Variants in LSAMP observed in about 807,000 individuals in gnomAD.
LSAMP encodes limbic system-associated membrane protein.
In LSAMP, 7 loss-of-function variants were observed where a neutral mutation model predicts 38.6. The ratio of observed to expected loss-of-function variants is 0.18; its 90% CI spans 0.10 to 0.34. LSAMP has a LOEUF of 0.34. LSAMP is among the 10% of genes least tolerant of loss of function. The probability of loss-of-function intolerance (pLI) is 1.00; values close to 1 mark genes in which losing one functional copy is unlikely to be tolerated. For synonymous variants in LSAMP, 154 were observed against 166.8 expected (o/e 0.92, Z 0.59); for missense variants, 313 against 420.0 (o/e 0.75, Z 2.23).
chr3:116,390,285 A>G lies in LSAMP; in HGVS notation c.155+54592T>C, dbSNP rs370681102. Among the ~76,000 whole-genome samples the G allele has an allele frequency of 9.2e-5, 14 of 152,280 alleles. No homozygotes were observed. In the South Asian group the frequency reaches 1.2e-3, roughly 14 times the overall value. On this transcript the variant is annotated intron_variant, in intron 1 of 6. Coordinates refer to ENST00000490035, the MANE Select transcript of LSAMP (RefSeq NM_002338.5). Reference sequence around the variant, plus strand: ...ACCAAGACACTGTAAGCAGTGGGATATGTTTCACTTTGGAGACTAAAGGTG... The same window carrying G: ...ACCAAGACACTGTAAGCAGTGGGATGTGTTTCACTTTGGAGACTAAAGGTG...
At chr3:115,938,606 ATGAG>A (rs1937791249) in intron 3 of LSAMP, among the ~76,000 whole-genome samples, 1 of 152,222 alleles carries the variant, frequency 6.6e-6, no homozygotes, top group South Asian at 2.1e-4. Flanking sequence ...CCTGAATAAC[ATGAG>A]TTTTGATTTA....
chr3:116,077,683 T>A (rs994318195), intron 2 of LSAMP, among the ~76,000 whole-genome samples: 3 of 152,198 alleles, frequency 2.0e-5, no homozygotes, highest in African/African-American at 7.2e-5. Flanking sequence ...TTCCCATGTA[T>A]CCTTCACCCA....
At chr3:115,850,981 T>C (rs985600163) in intron 4 of LSAMP, among the ~76,000 whole-genome samples, 70 of 136,640 alleles carry the variant, frequency 5.1e-4, no homozygotes, top group African/African-American at 1.7e-3. Flanking sequence ...CTCTCTCTCT[T>C]TTTTATTTTG....
At chr3:116,224,036 T>C (rs919448442) in intron 1 of LSAMP, among the ~76,000 whole-genome samples, 1 of 152,148 alleles carries the variant, frequency 6.6e-6, no homozygotes, top group Non-Finnish European at 1.5e-5. Flanking sequence ...TTCCTGAAAT[T>C]CCATGCTGTA....
intron 1 of LSAMP, among the ~76,000 whole-genome samples, chr3:116,437,054 T>TATAC (rs1553736338): frequency 9.3e-5 from 14 of 150,158 alleles, no homozygotes; most frequent in African/African-American, 2.9e-4. Context: ...TATATATATA[T>TATAC]ACACACACAC....
At chr3:116,412,941 A>T (rs2048999125) in intron 1 of LSAMP, among the ~76,000 whole-genome samples, 2 of 152,004 alleles carry the variant, frequency 1.3e-5, no homozygotes, top group African/African-American at 4.8e-5. Flanking sequence ...TCACTAAATC[A>T]CTGCTGTAGC....
At chr3:116,206,720 GA>G (rs1233290498) in intron 1 of LSAMP, among the ~76,000 whole-genome samples, 1 of 151,898 alleles carries the variant, frequency 6.6e-6, no homozygotes, top group Non-Finnish European at 1.5e-5. Context: ...AGTTTTGAGT[GA>G]GATTCTTAAT....
intron 1 of LSAMP, among the ~76,000 whole-genome samples, chr3:116,226,306 C>T (rs900045317): frequency 6.6e-6 from 1 of 152,176 alleles, no homozygotes; most frequent in African/African-American, 2.4e-5. Context: ...TTATCTATTC[C>T]AGGGAGAGCA....
intron 1 of LSAMP, among the ~76,000 whole-genome samples, chr3:116,213,714 A>G (rs1371326322): frequency 6.6e-6 from 1 of 152,264 alleles, no homozygotes; most frequent in Non-Finnish European, 1.5e-5. Context: ...ATACAATGGA[A>G]TACTATTCAG....
chr3:115,991,409 A>T (rs2107642957), intron 3 of LSAMP, among the ~76,000 whole-genome samples: 1 of 152,252 alleles, frequency 6.6e-6, no homozygotes, highest in African/African-American at 2.4e-5. Flanking sequence ...AATTAAATAC[A>T]ATTATATATT....
Position 116,061,483 on chromosome 3 carries a change from T to C in LSAMP, c.388+24841A>G, listed in dbSNP as rs116695257. 8.7e-3 allele frequency among the ~76,000 whole-genome samples: 1,329 copies of C among 152,168 alleles called. 19 individuals are homozygous for C. Among genetic ancestry groups the C allele is most frequent in the African/African-American group, 0.029 (1,184 of 41,510 alleles). On this transcript the variant is annotated intron_variant, in intron 2 of 6. Transcript: ENST00000490035. ...TGGTGAGAGGCATGGTAGGTGGTGG[T>C]GGTGGTAAGCAAATTGTGTTCATCT...
intron 1 of LSAMP, among the ~76,000 whole-genome samples, chr3:116,089,840 A>C (rs867392827): frequency 6.6e-6 from 1 of 152,074 alleles, no homozygotes; most frequent in African/African-American, 2.4e-5. Context: ...ACTTCTCCAG[A>C]TCTTTCAGGG....
At chr3:116,331,215 A>G (rs2047848203) in intron 1 of LSAMP, among the ~76,000 whole-genome samples, 1 of 152,202 alleles carries the variant, frequency 6.6e-6, no homozygotes, top group Admixed American at 6.5e-5. Context: ...TGAGGAATAA[A>G]GCAAATAAGA....
At chr3:115,892,663 G>A (rs990427315) in intron 3 of LSAMP, among the ~76,000 whole-genome samples, 1 of 151,646 alleles carries the variant, frequency 6.6e-6, no homozygotes, top group Admixed American at 6.6e-5. Flanking sequence ...AATGTTCATT[G>A]AGCCATACAA....
At chr3:115,875,281 CA>C (rs1481102850) in intron 3 of LSAMP, among the ~76,000 whole-genome samples, 1 of 152,122 alleles carries the variant, frequency 6.6e-6, no homozygotes, top group East Asian at 1.9e-4. Context: ...TCTTTAACTT[CA>C]CTTCCTGAAT....
intron 2 of LSAMP, among the ~76,000 whole-genome samples, chr3:116,084,247 T>C (rs1261186484): frequency 6.6e-6 from 1 of 152,050 alleles, no homozygotes; most frequent in Non-Finnish European, 1.5e-5. Context: ...TAAATTTAAT[T>C]TCATTTGCAC....
At chr3:115,996,989 G>A (rs1249649601) in intron 3 of LSAMP, among the ~76,000 whole-genome samples, 3 of 152,006 alleles carry the variant, frequency 2.0e-5, no homozygotes, top group Non-Finnish European at 4.4e-5. Flanking sequence ...TCCACGTACC[G>A]ACTAGAGTGA....
intron 2 of LSAMP, among the ~76,000 whole-genome samples, chr3:116,052,487 A>G (rs1323820524): frequency 1.3e-5 from 2 of 152,188 alleles, no homozygotes; most frequent in African/African-American, 4.8e-5. Flanking sequence ...TATTTTTAAT[A>G]TAAATGTACT....
chr3:116,136,545 ATTCCAGATCTT>A (rs1476720654), intron 1 of LSAMP, among the ~76,000 whole-genome samples: 4 of 152,104 alleles, frequency 2.6e-5, no homozygotes, highest in Non-Finnish European at 5.9e-5. Context: ...TAATATATCT[ATTCCAGATCTT>A]TGATTCTTTT....
Sources: allele counts gnomAD v4.1 joint callset (sites outside exome capture counted in the v4.1 genomes callset), GRCh38; gene constraint gnomAD v4.1.1; transcripts MANE v1.5; gene names NCBI Gene and HGNC (gene_info 2026-07-23, HGNC 2026-07-21).